The following LYPD6B variants were observed in gnomAD, a reference collection of about 807,000 sequenced individuals.
LYPD6B encodes the protein ly6/PLAUR domain-containing protein 6B.
LYPD6B carries 17 observed loss-of-function variants against 22.8 expected under a neutral mutation model. That is an observed-to-expected ratio of 0.75 (90% confidence interval 0.51 to 1.12). LYPD6B has a LOEUF of 1.12. LYPD6B is among the 50% of genes most tolerant of loss of function. The pLI, the probability that LYPD6B is intolerant of heterozygous loss-of-function variation, is 0.00. For synonymous variants in LYPD6B, 106 were observed against 91.6 expected, an observed-to-expected ratio of 1.16 and a Z score of -0.90; for missense variants, 221 against 258.3, an observed-to-expected ratio of 0.86 and a Z score of 0.99.
At chr2:149,163,644 A>G (rs896952086) in intron 3 of LYPD6B, among the ~76,000 whole-genome samples, 2 of 152,206 alleles carry the variant, frequency 1.3e-5, no homozygotes, top group Non-Finnish European at 2.9e-5. Context: ...AAAGTTGGGT[A>G]TCAGTTCTTC....
chr2:149,202,342 C>T (rs986993459), intron 3 of LYPD6B, among the ~76,000 whole-genome samples: 1 of 152,148 alleles, frequency 6.6e-6, no homozygotes, highest in Non-Finnish European at 1.5e-5. Flanking sequence ...CAGTCCCCTC[C>T]TTCGTGTTCC....
chr2:149,105,412 A>T (rs971873874), intron 1 of LYPD6B, among the ~76,000 whole-genome samples: 1 of 152,178 alleles, frequency 6.6e-6, no homozygotes, highest in African/African-American at 2.4e-5. Context: ...TGCAATTTTA[A>T]TATAATAATA....
intron 2 of LYPD6B, among the ~76,000 whole-genome samples, chr2:149,135,722 A>G (rs925661725): frequency 7.1e-6 from 1 of 141,434 alleles, no homozygotes; most frequent in Non-Finnish European, 1.5e-5. Flanking sequence ...CATGTCTCAA[A>G]AAAAAAAAAA....
At chr2:149,057,323 C>T (rs1683850136) in intron 1 of LYPD6B, among the ~76,000 whole-genome samples, 1 of 151,800 alleles carries the variant, frequency 6.6e-6, no homozygotes, top group Admixed American at 6.6e-5. Flanking sequence ...CTCCACAAAC[C>T]TTTCAAGTTT....
At chr2:149,085,688 A>T (rs1365871426) in intron 1 of LYPD6B, among the ~76,000 whole-genome samples, 1 of 152,246 alleles carries the variant, frequency 6.6e-6, no homozygotes, top group East Asian at 1.9e-4. Flanking sequence ...TGAGCCAGTT[A>T]TAACATTGTA....
intron 3 of LYPD6B, among the ~76,000 whole-genome samples, chr2:149,185,565 T>C (rs1692040858): frequency 6.6e-6 from 1 of 152,124 alleles, no homozygotes; most frequent in Admixed American, 6.5e-5. Context: ...CCTAGTCAGT[T>C]TGGGGTTGGC....
At chr2:149,074,836 T>A (rs1172739354) in intron 1 of LYPD6B, among the ~76,000 whole-genome samples, 1 of 152,160 alleles carries the variant, frequency 6.6e-6, no homozygotes, top group East Asian at 1.9e-4. Context: ...GAATCGGTAA[T>A]TGACTCATAT....
chr2:149,195,477 A>G (rs535974575), intron 3 of LYPD6B, among the ~76,000 whole-genome samples: 1 of 152,358 alleles, frequency 6.6e-6, no homozygotes, highest in African/African-American at 2.4e-5. Context: ...TTATGAGTAT[A>G]GGCAAATCAT....
chr2:149,122,527 G>A (rs927368562), intron 1 of LYPD6B, among the ~76,000 whole-genome samples: 13 of 150,428 alleles, frequency 8.6e-5, no homozygotes, highest in African/African-American at 2.9e-4. Flanking sequence ...CCATTAACTC[G>A]TCATTTACAT....
chr2:149,040,102 A>T (rs1406910069), intron 1 of LYPD6B, among the ~76,000 whole-genome samples: 4 of 152,076 alleles, frequency 2.6e-5, no homozygotes, highest in Non-Finnish European at 5.9e-5. Flanking sequence ...GATAAATAGG[A>T]CTTGCACCTT....
At chr2:149,189,156 C>T (rs1692315962) in intron 3 of LYPD6B, among the ~76,000 whole-genome samples, 1 of 151,794 alleles carries the variant, frequency 6.6e-6, no homozygotes, top group Non-Finnish European at 1.5e-5. Context: ...TGAGAATTCT[C>T]AGGCCTCCTC....
chr2:149,107,371 A>G (rs1216440143), intron 1 of LYPD6B, among the ~76,000 whole-genome samples: 2 of 152,232 alleles, frequency 1.3e-5, no homozygotes, highest in Non-Finnish European at 2.9e-5. Flanking sequence ...TCAGAACAGC[A>G]TGCCATTGAA....
In LYPD6B at chr2:149,154,060, T is replaced by C. The variant is rs963562097; in HGVS notation, c.6-6704T>C. On this transcript the variant is annotated intron_variant, in intron 2 of 6. Transcript: ENST00000409642. ...AGAGAATGGGGAAGAAGATGGAGTT[T>C]TGTGGTAAAGATGATGTCTTCTCAT... The C allele has an allele frequency of 6.2e-6, 6 of 970,500 alleles. No homozygotes were observed. In the African/African-American group the frequency reaches 7.0e-5, roughly 11 times the overall value. 60.1% of individuals were successfully genotyped at this position (970,500 alleles called of 1,614,324 possible).
At position 149,112,072 on chromosome 2, in the gene LYPD6B, G is replaced by A. The variant is rs545755474; in HGVS notation, c.-66-18811G>A. 1.2e-4 allele frequency among the ~76,000 whole-genome samples: 18 copies of A among 152,296 alleles called. No individual in the cohort carries two copies. In the South Asian group the frequency reaches 3.3e-3, roughly 28 times the overall value. On this transcript the variant is annotated intron_variant, in intron 1 of 6. Transcript: ENST00000409642. ...AAGTGGTAAGAATGAAAGTCTGATT[G>A]GAGTGGATTCAAGAGAGAATGGAGG...
rs1688008770 is a variant in LYPD6B, at chr2:149,131,209, C to T, written c.5+256C>T. The T allele has an allele frequency of 6.8e-6, 3 of 439,694 alleles. No homozygotes were observed. The South Asian group carries it at 1.2e-4, about 18-fold the overall frequency. The allele number at this position is 439,694 out of a possible 1,614,324, so 27.2% of individuals were successfully genotyped here. A position where few individuals can be genotyped will look rare whatever the true frequency, so the allele number is the denominator to read the frequency against. Reference sequence around the variant, plus strand: ...TCAGAATGTTTTGATGTAAAGGTAGCTGCTGATCTTAATTTGCAATTGTGG... The same window carrying T: ...TCAGAATGTTTTGATGTAAAGGTAGTTGCTGATCTTAATTTGCAATTGTGG... On this transcript the variant is annotated intron_variant, in intron 2 of 6. Coordinates refer to ENST00000409642, the MANE Select transcript of LYPD6B (RefSeq NM_177964.5).
intron 1 of LYPD6B, among the ~76,000 whole-genome samples, chr2:149,123,377 T>C (rs1467157829): frequency 6.6e-6 from 1 of 152,184 alleles, no homozygotes; most frequent in East Asian, 1.9e-4. Flanking sequence ...TTTATGTTGA[T>C]TGTTTTCTAA....
intron 1 of LYPD6B, among the ~76,000 whole-genome samples, chr2:149,122,675 C>T (rs1412318092): frequency 6.7e-6 from 1 of 148,430 alleles, no homozygotes; most frequent in African/African-American, 2.5e-5. Context: ...TTTCTCATTT[C>T]AGTACATACT....
intron 3 of LYPD6B, among the ~76,000 whole-genome samples, chr2:149,171,619 G>A (rs544517915): frequency 1.4e-3 from 207 of 151,896 alleles, no homozygotes; most frequent in African/African-American, 4.7e-3. Context: ...AGGAGTATAT[G>A]GAAAGGGGGA....
intron 2 of LYPD6B, among the ~76,000 whole-genome samples, chr2:149,151,683 A>G (rs1689388146): frequency 6.6e-6 from 1 of 152,190 alleles, no homozygotes; most frequent in African/African-American, 2.4e-5. Flanking sequence ...AAGCTGTTGG[A>G]GAATGGAGAA....
Sources: gnomAD v4.1 joint callset for allele counts (sites outside exome capture counted in the v4.1 genomes callset) on GRCh38, gnomAD v4.1.1 for gene constraint, MANE v1.5 for transcripts, NCBI Gene and HGNC (gene_info 2026-07-23, HGNC 2026-07-21) for gene names.